ADCY5: variants seen among roughly 807,000 people sequenced by gnomAD.
ADCY5 encodes the protein adenylate cyclase 5.
A neutral mutation model predicts 119.7 loss-of-function variants in ADCY5; 30 were observed. The ratio of observed to expected loss-of-function variants is 0.25; its 90% confidence interval spans 0.19 to 0.34. The LOEUF is 0.34. Among genes scored for constraint, ADCY5 ranks in the 10% least tolerant of loss-of-function variants. The pLI is 1.00. For synonymous variants in ADCY5, 753 were observed against 762.2 expected, an observed-to-expected ratio of 0.99 and a Z score of 0.20; for missense variants, 1,324 against 1,775.2, an observed-to-expected ratio of 0.75 and a Z score of 4.57.
At chr3:123,357,759 G>C (rs1161136230) in intron 1 of ADCY5, among the ~76,000 whole-genome samples, 1 of 152,152 alleles carries the variant, frequency 6.6e-6, no homozygotes, top group Non-Finnish European at 1.5e-5. Flanking sequence ...CTGGGCACCA[G>C]GTCTTAAAGG....
chr3:123,443,739 G>A (rs1340013634), intron 1 of ADCY5, among the ~76,000 whole-genome samples: 1 of 152,208 alleles, frequency 6.6e-6, no homozygotes, highest in Middle Eastern at 3.2e-3. Flanking sequence ...ACACTGCAGG[G>A]AAAACCCCTA....
chr3:123,361,973 A>G (rs1039678428), intron 1 of ADCY5, among the ~76,000 whole-genome samples: 4 of 152,250 alleles, frequency 2.6e-5, no homozygotes, highest in Admixed American at 6.5e-5. Flanking sequence ...TTTCAGATTC[A>G]GGATGCTCTC....
At position 123,289,751 on chromosome 3, in the gene ADCY5, G is replaced by A. The variant is rs764722193; in HGVS notation, c.3531C>T (p.Ile1177=). Residue 1177 remains isoleucine (I), a splice_region_variant and synonymous_variant, in exon 19 of 21, where the codon ATC becomes ATT. Transcript: ENST00000462833. ...EHSFNNFQMK[I]GLNIGPVVAG... ...AGCACTCCCTGGGCCCCCACTCACC[G>A]ATCTTCATCTGGAAGTTGTTGAAGG... The A allele has an allele frequency of 8.1e-6, 13 of 1,613,354 alleles. No homozygotes were observed. Among genetic ancestry groups the A allele is most frequent in the Middle Eastern group, 1.8e-4 (1 of 5,558 alleles).
At chr3:123,382,868 CTG>C (rs1192742456) in intron 1 of ADCY5, among the ~76,000 whole-genome samples, 12 of 43,658 alleles carry the variant, frequency 2.7e-4, no homozygotes, top group East Asian at 3.9e-3. Flanking sequence ...TACGTAATGT[CTG>C]ACTGGCACAC....
At chr3:123,340,155 G>C (rs1942212278) in intron 3 of ADCY5, among the ~76,000 whole-genome samples, 1 of 152,024 alleles carries the variant, frequency 6.6e-6, no homozygotes, top group Non-Finnish European at 1.5e-5. Context: ...AGCCAGGTGT[G>C]GCAGCAGGCA....
In ADCY5 at chr3:123,283,815, A is replaced by C. The variant is rs1938543071; in HGVS notation, c.*793T>G. 1 of 152,174 alleles carries C rather than the reference A, an allele frequency of 6.6e-6. No individual in the cohort carries two copies. Among genetic ancestry groups the C allele is most frequent in the African/African-American group, 2.4e-5 (1 of 41,426 alleles). The allele number at this position is 152,174 out of a possible 1,614,324, so 9.4% of individuals were successfully genotyped here. On this transcript the variant is annotated 3_prime_UTR_variant, in exon 21 of 21. Coordinates refer to ENST00000462833, the MANE Select transcript of ADCY5 (RefSeq NM_183357.3). ...TGTGAGATCTCCAAGGCTTTCAATA[A>C]TACAAAATAAAAAATACAAAAAAGA... is the stretch of plus-strand genomic sequence containing the variant.
intron 1 of ADCY5, among the ~76,000 whole-genome samples, chr3:123,428,840 AT>A (rs551157080): frequency 6.6e-6 from 1 of 152,346 alleles, no homozygotes; most frequent in African/African-American, 2.4e-5. Context: ...CAGGAATCAA[AT>A]TTTTAAACGG....
chr3:123,364,642 G>A (rs2107513494), intron 1 of ADCY5, among the ~76,000 whole-genome samples: 1 of 152,280 alleles, frequency 6.6e-6, no homozygotes, highest in African/African-American at 2.4e-5. Context: ...TTCTATGGCA[G>A]AGTAAGGAGC....
intron 1 of ADCY5, among the ~76,000 whole-genome samples, chr3:123,440,863 T>A (rs1411107959): frequency 2.0e-5 from 3 of 152,166 alleles, no homozygotes; most frequent in African/African-American, 7.2e-5. Flanking sequence ...CCAGGGCTGA[T>A]CATCCCTCTC....
At chr3:123,303,306 G>T in intron 13 of ADCY5, 87 bp from the exon 14 acceptor site, 1 of 1,411,110 alleles carries the variant, frequency 7.1e-7, no homozygotes. Context: ...GCAGGCTCCC[G>T]CCTGTCCTCC....
In ADCY5 at chr3:123,352,609, G is replaced by T. The variant is rs375803262; in HGVS notation, c.1135-28C>A. The T allele has an allele frequency of 4.7e-5, 74 of 1,587,284 alleles. No homozygotes were observed. In the Admixed American group the frequency reaches 5.2e-4, roughly 11 times the overall value. The stretch of plus-strand genomic sequence containing the variant: ...GCAGAGGGAGAGAGGAGCACACCTA[G>T]CTCAGATCCTGACCTTCCTGGCCCC... On this transcript the variant is annotated intron_variant, in intron 1 of 20. Coordinates refer to ENST00000462833, the MANE Select transcript of ADCY5 (RefSeq NM_183357.3). The surrounding 1 kb of genome is among the most constrained non-coding windows in gnomAD (Gnocchi z 4.8).
chr3:123,394,298 G>A (rs1020639365), intron 1 of ADCY5, among the ~76,000 whole-genome samples: 9 of 152,100 alleles, frequency 5.9e-5, no homozygotes, highest in Admixed American at 4.6e-4. Flanking sequence ...CAAATCAATT[G>A]TTTCTATGTT....
At chr3:123,421,587 C>T (rs1253260645) in intron 1 of ADCY5, among the ~76,000 whole-genome samples, 3 of 152,112 alleles carry the variant, frequency 2.0e-5, no homozygotes, top group African/African-American at 7.2e-5. Flanking sequence ...TGTACCCTGG[C>T]TCACATTGTC....
intron 1 of ADCY5, among the ~76,000 whole-genome samples, chr3:123,393,623 C>T (rs951420136): frequency 1.4e-5 from 2 of 143,064 alleles, no homozygotes; most frequent in Non-Finnish European, 3.0e-5. Context: ...TGAGGGACAG[C>T]GTCACATGCG....
intron 1 of ADCY5, among the ~76,000 whole-genome samples, chr3:123,393,004 C>A (rs1315814821): frequency 6.6e-6 from 1 of 152,196 alleles, no homozygotes; most frequent in African/African-American, 2.4e-5. Context: ...GAGACAATGG[C>A]ACATGCTAGG....
In ADCY5 at chr3:123,448,595, G is replaced by T; in HGVS notation, c.-50C>A. 7.9e-7 allele frequency: 1 copy of T among 1,267,054 alleles called. No individual in the cohort carries two copies. Among genetic ancestry groups the T allele is most frequent in the Non-Finnish European group, 9.9e-7 (1 of 1,008,510 alleles). 78.5% of individuals were successfully genotyped at this position (1,267,054 alleles called of 1,614,324 possible). A position where few individuals can be genotyped will look rare whatever the true frequency, so the allele number is the denominator to read the frequency against. On this transcript the variant is annotated 5_prime_UTR_variant, in exon 1 of 21. Coordinates refer to ENST00000462833, the MANE Select transcript of ADCY5 (RefSeq NM_183357.3). ...TTCCTCCTCCCCCGGAAGCCGGGCC[G>T]GGGGTCTCCAAGGGGAGGGCGGACG...
In ADCY5 at chr3:123,291,282, AG is replaced by A; in HGVS notation, c.3157del (p.Leu1053TrpfsTer104). On this transcript the variant is annotated frameshift_variant, in exon 18 of 21. Coordinates refer to ENST00000462833, the MANE Select transcript of ADCY5 (RefSeq NM_183357.3). LOFTEE classifies it high-confidence loss of function. ...ILPKDVAAHF[L>X]ARERRNDELY... ...CTCATCATTGCGCCGCTCGCGGGCCAGGAAGTGAGCGGCCACGTCCTTGGGC... is the reference window on the plus strand; with the variant it reads ...CTCATCATTGCGCCGCTCGCGGGCCAGAAGTGAGCGGCCACGTCCTTGGGC... 1 of 1,613,986 alleles carries A rather than the reference AG, an allele frequency of 6.2e-7. No homozygotes were observed. The highest frequency in any genetic ancestry group is 8.5e-7 in the Non-Finnish European group (1 of 1,180,046).
intron 12 of ADCY5, among the ~76,000 whole-genome samples, chr3:123,308,246 C>T (rs1940319153): frequency 1.3e-5 from 2 of 151,654 alleles, no homozygotes; most frequent in African/African-American, 4.8e-5. Flanking sequence ...ACTGTGTTAG[C>T]CAGGATGGTC....
intron 1 of ADCY5, among the ~76,000 whole-genome samples, chr3:123,377,914 T>C (rs1374945894): frequency 9.8e-6 from 1 of 101,598 alleles, no homozygotes; most frequent in Non-Finnish European, 1.8e-5. Context: ...TGGGCGAGAG[T>C]GCAAGACTCC....
Sources: allele counts gnomAD v4.1 joint callset (sites outside exome capture counted in the v4.1 genomes callset), GRCh38; gene constraint gnomAD v4.1.1; non-coding constraint Gnocchi (gnomAD v3.1); transcripts MANE v1.5; gene names NCBI Gene and HGNC (gene_info 2026-07-23, HGNC 2026-07-21).